The following PLCH1 variants were observed in gnomAD, a reference collection of about 807,000 sequenced individuals.
PLCH1 encodes the protein 1-phosphatidylinositol 4,5-bisphosphate phosphodiesterase eta-1.
A neutral mutation model predicts 126.7 loss-of-function variants in PLCH1; 60 were observed. The observed-to-expected ratio is 0.47, with a 90% CI of 0.38 to 0.59. The LOEUF is 0.59. PLCH1 is among the 20% of genes least tolerant of loss of function. The pLI is 0.00. For missense variants in PLCH1, 1,723 were observed against 2,040.0 expected (o/e 0.84, Z 2.99); for synonymous variants, 719 against 734.9 (o/e 0.98, Z 0.35).
chr3:155,458,210 T>C (rs1712508670), intron 21 of PLCH1, among the ~76,000 whole-genome samples: 1 of 150,752 alleles, frequency 6.6e-6, no homozygotes, highest in African/African-American at 2.4e-5. Flanking sequence ...GGCGTAGTAG[T>C]GCATGCCTGT....
chr3:155,699,136 C>T (rs1019350025), intron 2 of PLCH1, among the ~76,000 whole-genome samples: 2 of 151,050 alleles, frequency 1.3e-5, no homozygotes, highest in South Asian at 2.1e-4. Flanking sequence ...AGTGCAGTGG[C>T]GCCATCTCGG....
In PLCH1 at chr3:155,620,265, T is replaced by C. The variant is rs957712779; in HGVS notation, c.80-23887A>G. On this transcript the variant is annotated intron_variant, in intron 2 of 22. Coordinates refer to ENST00000460012, the MANE Select transcript of PLCH1 (RefSeq NM_014996.4). ...AGGCCAGCATTAAACTATAACCCTC[T>C]GCATAAAAGATTTATTAAGTCTGAA... is the stretch of plus-strand genomic sequence containing the variant. 2.0e-5 allele frequency among the ~76,000 whole-genome samples: 3 copies of C among 152,226 alleles called. No homozygotes were observed. In the East Asian group the frequency reaches 5.8e-4, roughly 29 times the overall value.
rs1728144879 is a variant in PLCH1, at chr3:155,565,084, G to A, written c.900C>T (p.Asp300=). The A allele has an allele frequency of 1.8e-5, 29 of 1,613,732 alleles. No individual in the cohort carries two copies. Among genetic ancestry groups the A allele is most frequent in the Non-Finnish European group, 2.5e-5 (29 of 1,179,642 alleles). ...FTNFMRSPAC[D]IFNPLHHEVY... The stretch of plus-strand genomic sequence containing the variant: ...CTTCATGGTGCAATGGGTTAAATAT[G>A]TCACAGGCAGGACTACGCATGAAGT... Residue 300 remains aspartate, a synonymous_variant, in exon 8 of 23, where the codon GAC becomes GAT. Transcript: ENST00000460012.
intron 1 of PLCH1, among the ~76,000 whole-genome samples, chr3:155,736,115 A>G (rs1749162199): frequency 6.6e-6 from 1 of 152,220 alleles, no homozygotes; most frequent in Non-Finnish European, 1.5e-5. Flanking sequence ...CTTTTCAACA[A>G]TATGTTGGGA....
In PLCH1 at chr3:155,458,507, G is replaced by GA. The variant is rs1712573756; in HGVS notation, c.2938+26848dup. Among the ~76,000 whole-genome samples the GA allele has an allele frequency of 2.9e-5, 3 of 102,212 alleles. 1 individual carries two copies. The highest frequency in any genetic ancestry group is 2.0e-4 in the African/African-American group (3 of 14,898). 67.1% of individuals were successfully genotyped at this position (102,212 alleles called of 152,430 possible). A position where few individuals can be genotyped will look rare whatever the true frequency, so the allele number is the denominator to read the frequency against. On this transcript the variant is annotated intron_variant, in intron 21 of 21. Transcript: ENST00000494598. The stretch of plus-strand genomic sequence containing the variant: ...GAAAGAAAGAAAGAAAGAGAAAGAA[G>GA]AGAGAGAAATAAGAAAGAGAAAGAA...
chr3:155,648,428 C>T (rs182193681), intron 2 of PLCH1, among the ~76,000 whole-genome samples: 1 of 152,266 alleles, frequency 6.6e-6, no homozygotes, highest in East Asian at 1.9e-4. Flanking sequence ...CTGGTCTTGA[C>T]GTCCTCCCTG....
At chr3:155,470,369 T>A (rs1453620883) in intron 21 of PLCH1, among the ~76,000 whole-genome samples, 3 of 151,610 alleles carry the variant, frequency 2.0e-5, no homozygotes, top group Non-Finnish European at 4.4e-5. Context: ...GAAGGGAAGT[T>A]TAGAGAAAAA....
Position 155,535,684 on chromosome 3 carries a change from C to T in PLCH1, c.1363-11680G>A, listed in dbSNP as rs116024532. Among the ~76,000 whole-genome samples, 532 of 152,312 alleles carry T rather than the reference C, an allele frequency of 3.5e-3. 2 individuals carry two copies. The highest frequency in any genetic ancestry group is 0.012 in the African/African-American group (500 of 41,558). On this transcript the variant is annotated intron_variant, in intron 10 of 22. Coordinates refer to ENST00000460012, the MANE Select transcript of PLCH1 (RefSeq NM_014996.4). ...CCTGACCCTGCATCCAACTGATGGT[C>T]TTTCTCTACCCACCGTGGTAGCTGA...
intron 10 of PLCH1, among the ~76,000 whole-genome samples, chr3:155,530,729 C>T (rs1012364087): frequency 1.1e-4 from 17 of 152,134 alleles, no homozygotes; most frequent in African/African-American, 3.9e-4. Context: ...CAAAAAAAAT[C>T]GCAAATGTTC....
intron 10 of PLCH1, among the ~76,000 whole-genome samples, chr3:155,537,831 A>G (rs866757926): frequency 2.0e-5 from 3 of 152,282 alleles, no homozygotes; most frequent in African/African-American, 7.2e-5. Flanking sequence ...ACAGCACTAG[A>G]CAGGTCATCA....
chr3:155,698,292 AT>A (rs1745988038), intron 2 of PLCH1, among the ~76,000 whole-genome samples: 1 of 152,236 alleles, frequency 6.6e-6, no homozygotes, highest in Non-Finnish European at 1.5e-5. Flanking sequence ...AATAAATAGC[AT>A]TCACTGAGAG....
intron 2 of PLCH1, among the ~76,000 whole-genome samples, chr3:155,650,922 C>T (rs1019680606): frequency 6.6e-6 from 1 of 152,068 alleles, no homozygotes; most frequent in African/African-American, 2.4e-5. Flanking sequence ...CCTGCAGTCC[C>T]AGCTACTAGG....
At chr3:155,691,427 T>C (rs1395261966) in intron 2 of PLCH1, among the ~76,000 whole-genome samples, 1 of 152,200 alleles carries the variant, frequency 6.6e-6, no homozygotes, top group Non-Finnish European at 1.5e-5. Flanking sequence ...GTGTTCCCCT[T>C]AAGATCCTAT....
chr3:155,530,245 C>G (rs1050818789), intron 10 of PLCH1, among the ~76,000 whole-genome samples: 1 of 152,146 alleles, frequency 6.6e-6, no homozygotes, highest in African/African-American at 2.4e-5. Context: ...CCTCAAGAAC[C>G]CACTTGCTTT....
At position 155,494,519 on chromosome 3, in the gene PLCH1, T is replaced by C; in HGVS notation, c.1895-2A>G. 1 of 1,548,538 alleles carries C rather than the reference T, an allele frequency of 6.5e-7. No homozygotes were observed. Among genetic ancestry groups the C allele is most frequent in the Non-Finnish European group, 8.6e-7 (1 of 1,156,508 alleles). On this transcript the variant is annotated splice_acceptor_variant, in intron 15 of 22. Coordinates refer to ENST00000460012, the MANE Select transcript of PLCH1 (RefSeq NM_014996.4). LOFTEE classifies it high-confidence loss of function. Reference sequence around the variant, plus strand: ...ATGATAACACATTTCCTGTGGTTCCTGGCAGTTTTTAATCGAGAAAAAAGG... The same window carrying C: ...ATGATAACACATTTCCTGTGGTTCCCGGCAGTTTTTAATCGAGAAAAAAGG...
At chr3:155,632,413 G>C (rs1199459344) in intron 2 of PLCH1, among the ~76,000 whole-genome samples, 1 of 152,136 alleles carries the variant, frequency 6.6e-6, no homozygotes, top group Non-Finnish European at 1.5e-5. Context: ...TTACCTTCTA[G>C]AGCCATCATC....
chr3:155,591,107 C>CTAACTCATCTCTT (rs1313394529), intron 4 of PLCH1, among the ~76,000 whole-genome samples: 1 of 152,200 alleles, frequency 6.6e-6, no homozygotes, highest in African/African-American at 2.4e-5. Context: ...ATGCCCATCT[C>CTAACTCATCTCTT]TAACTCATCT....
At chr3:155,509,186 C>G (rs200402948) in intron 12 of PLCH1, among the ~76,000 whole-genome samples, 33,732 of 134,130 alleles carry the variant, frequency 0.25, 8,509 homozygotes, top group African/African-American at 0.55. Flanking sequence ...CATTTCTGTG[C>G]GATCAGTGGT....
At chr3:155,709,321 G>C (rs1263154499) in intron 1 of PLCH1, among the ~76,000 whole-genome samples, 1 of 152,154 alleles carries the variant, frequency 6.6e-6, no homozygotes, top group African/African-American at 2.4e-5. Context: ...TGGACTGTGT[G>C]GTAAGAGTAT....
Sources: allele counts gnomAD v4.1 joint callset (sites outside exome capture counted in the v4.1 genomes callset), GRCh38; gene constraint gnomAD v4.1.1; transcripts MANE v1.5; gene names NCBI Gene and HGNC (gene_info 2026-07-23, HGNC 2026-07-21).